The following DGKI variants were observed in gnomAD, a reference collection of about 807,000 sequenced individuals.
DGKI encodes diacylglycerol kinase iota.
Under a neutral mutation model 147.5 loss-of-function variants are expected in DGKI, and 55 were observed. That is an observed-to-expected ratio of 0.37 (90% CI 0.30 to 0.47). The LOEUF is 0.47. DGKI is among the 20% of genes least tolerant of loss of function. The pLI is 1.00. For synonymous variants in DGKI, 469 were observed against 477.1 expected, an observed-to-expected ratio of 0.98 and a Z score of 0.22; for missense variants, 1,007 against 1,323.8, an observed-to-expected ratio of 0.76 and a Z score of 3.71.
intron 1 of DGKI, among the ~76,000 whole-genome samples, chr7:137,820,999 GCCAATTTGCAC>G (rs1170778334): frequency 2.0e-5 from 3 of 152,174 alleles, no homozygotes; most frequent in Non-Finnish European, 4.4e-5. Flanking sequence ...CCCAGCTGCT[GCCAATTTGCAC>G]CTCATTAGCA....
intron 8 of DGKI, 149 bp downstream of exon 8, chr7:137,619,675 G>A: frequency 1.6e-6 from 1 of 643,462 alleles, no homozygotes; most frequent in Non-Finnish European, 2.8e-6. Flanking sequence ...ATGGGCCAAT[G>A]GGATGAACTG....
At chr7:137,542,853 C>T (rs2128962055) in intron 20 of DGKI, among the ~76,000 whole-genome samples, 1 of 152,338 alleles carries the variant, frequency 6.6e-6, no homozygotes, top group East Asian at 1.9e-4. Context: ...ATGCTTGTCA[C>T]ATGGCTTCGT....
chr7:137,444,314 T>C lies in DGKI; in HGVS notation c.2736-212A>G, dbSNP rs149111025. Among the ~76,000 whole-genome samples the C allele has an allele frequency of 5.8e-3, 885 of 152,298 alleles. 9 individuals carry two copies. Among genetic ancestry groups the C allele is most frequent in the African/African-American group, 0.019 (787 of 41,568 alleles). On this transcript the variant is annotated intron_variant, in intron 27 of 32. Transcript: ENST00000614521. ...TTGGATGTTACAGGTTACTAAAATA[T>C]CAGTCTATGCATGGTGTCCTAGGAC...
intron 28 of DGKI, among the ~76,000 whole-genome samples, chr7:137,441,420 C>CTAA (rs1813502300): frequency 4.4e-5 from 3 of 67,550 alleles, no homozygotes; most frequent in South Asian, 6.5e-4. Flanking sequence ...GACTCCGTCT[C>CTAA]AAAAAAAAAA....
intron 6 of DGKI, among the ~76,000 whole-genome samples, chr7:137,626,866 T>C (rs752640318): frequency 6.6e-6 from 1 of 152,172 alleles, no homozygotes; most frequent in Non-Finnish European, 1.5e-5. Flanking sequence ...CCCGGTGAAA[T>C]GATGCTTTCT....
chr7:137,706,477 CTTATTTTATT>C (rs147205940), intron 1 of DGKI, among the ~76,000 whole-genome samples: 94 of 147,586 alleles, frequency 6.4e-4, no homozygotes, highest in African/African-American at 1.4e-3. Flanking sequence ...CCAAAACATC[CTTATTTTATT>C]TTATTTTATT....
At chr7:137,794,814 A>G (rs1448802755) in intron 1 of DGKI, among the ~76,000 whole-genome samples, 1 of 152,234 alleles carries the variant, frequency 6.6e-6, no homozygotes, top group Non-Finnish European at 1.5e-5. Context: ...CATGATCTCA[A>G]GACTTAAGAT....
rs1412231121 is a variant in DGKI, at chr7:137,638,594, A to G, written c.804+6878T>C. On this transcript the variant is annotated intron_variant, in intron 6 of 32. Transcript: ENST00000614521. ...CATATATGTATATATACACATATAT[A>G]CATATATGTATATATATACACACAC... 1.2e-4 allele frequency among the ~76,000 whole-genome samples: 3 copies of G among 26,022 alleles called. 1 individual carries two copies. The highest frequency in any genetic ancestry group is 1.5e-4 in the Non-Finnish European group (2 of 13,278). 17.1% of individuals were successfully genotyped at this position (26,022 alleles called of 152,430 possible).
intron 20 of DGKI, among the ~76,000 whole-genome samples, chr7:137,542,404 T>G (rs1214369195): frequency 3.3e-5 from 5 of 152,094 alleles, no homozygotes; most frequent in Admixed American, 3.3e-4. Context: ...AGCTAAAACA[T>G]CCATACAATG....
chr7:137,459,811 T>G (rs1814360018), intron 27 of DGKI, among the ~76,000 whole-genome samples: 1 of 152,158 alleles, frequency 6.6e-6, no homozygotes, highest in Non-Finnish European at 1.5e-5. Flanking sequence ...GTCTGTTTTA[T>G]TCTCCTTGTC....
At position 137,647,637 on chromosome 7, in the gene DGKI, T is replaced by A. The variant is rs376177795; in HGVS notation, c.739-2100A>T. On this transcript the variant is annotated intron_variant, in intron 5 of 32. Transcript: ENST00000614521. ...AGAATAACCTGCCCAGTTATCAGTA[T>A]CTATCCCATCAGTTCAGTGCAAAAA... Among the ~76,000 whole-genome samples the A allele has an allele frequency of 2.2e-4, 34 of 152,318 alleles. 1 individual carries two copies. Among genetic ancestry groups the A allele is most frequent in the Middle Eastern group, 6.8e-3 (2 of 294 alleles).
chr7:137,665,314 C>A (rs1822596703), intron 3 of DGKI, among the ~76,000 whole-genome samples: 1 of 152,220 alleles, frequency 6.6e-6, no homozygotes, highest in African/African-American at 2.4e-5. Flanking sequence ...CCCAGCCCCA[C>A]ACCAGCCTCC....
At chr7:137,619,760 A>G in intron 8 of DGKI, 64 bp downstream of exon 8, 2 of 1,273,740 alleles carry the variant, frequency 1.6e-6, no homozygotes, top group Non-Finnish European at 2.3e-6. Flanking sequence ...TGGGGAGAAA[A>G]GCACGAAGCA....
At chr7:137,621,390 A>C (rs1312065766) in intron 7 of DGKI, among the ~76,000 whole-genome samples, 4 of 152,200 alleles carry the variant, frequency 2.6e-5, no homozygotes, top group Admixed American at 2.6e-4. Context: ...TCTCCACTCT[A>C]GAGACTCAGA....
intron 1 of DGKI, among the ~76,000 whole-genome samples, chr7:137,843,203 T>C (rs1386965198): frequency 1.3e-5 from 2 of 151,840 alleles, no homozygotes; most frequent in Admixed American, 6.6e-5. Flanking sequence ...TACCTTCTCC[T>C]TCCCCTCCCT....
At chr7:137,665,805 T>C (rs1027867443) in intron 3 of DGKI, among the ~76,000 whole-genome samples, 2 of 152,022 alleles carry the variant, frequency 1.3e-5, no homozygotes, top group African/African-American at 4.8e-5. Flanking sequence ...ATATTTTTCA[T>C]CTGAAGGGAA....
rs200183942 is a variant in DGKI at position 137,603,951 on chromosome 7, A to G, written c.1168-4046T>C. On this transcript the variant is annotated intron_variant, in intron 10 of 32. Transcript: ENST00000614521. ...ATTTATAGAAAACAAGGAGTCACTG[A>G]AAAGTCTTCATTAAGAGATTCAGAC... 2.0e-5 allele frequency among the ~76,000 whole-genome samples: 3 copies of G among 152,212 alleles called. No individual in the cohort carries two copies. In the East Asian group the frequency reaches 5.8e-4, roughly 29 times the overall value.
intron 6 of DGKI, among the ~76,000 whole-genome samples, chr7:137,625,858 C>T (rs28428747): frequency 0.022 from 3,280 of 152,198 alleles, 109 homozygotes; most frequent in African/African-American, 0.07. Flanking sequence ...CCTAACCCTT[C>T]GGCCCACTAG....
At chr7:137,572,896 G>T in intron 17 of DGKI, 58 bp from the exon 18 acceptor site, 1 of 1,278,888 alleles carries the variant, frequency 7.8e-7, no homozygotes, top group South Asian at 1.3e-5. Context: ...AAAAACCTAT[G>T]AAAGATAACT....
Sources: gnomAD v4.1 joint callset for allele counts (sites outside exome capture counted in the v4.1 genomes callset) on GRCh38, gnomAD v4.1.1 for gene constraint, MANE v1.5 for transcripts, NCBI Gene and HGNC (gene_info 2026-07-23, HGNC 2026-07-21) for gene names.